The following AP1B1 variants were observed in gnomAD, a reference collection of about 807,000 sequenced individuals.
AP1B1 encodes the protein adaptor related protein complex 1 subunit beta 1, also known as AP-1 complex subunit beta-1.
AP1B1 carries 36 observed loss-of-function variants against 104.3 expected under a neutral mutation model. The observed-to-expected ratio is 0.35, with a 90% CI of 0.26 to 0.46. The LOEUF (loss-of-function observed/expected upper bound fraction) is 0.46. AP1B1 is among the 20% of genes least tolerant of loss of function. The pLI, the probability that AP1B1 is intolerant of heterozygous loss-of-function variation, is 1.00. For missense variants in AP1B1, 901 were observed against 1,247.9 expected (o/e 0.72, Z 4.19); for synonymous variants, 504 against 517.5 (o/e 0.97, Z 0.35).
At chr22:29,368,561 A>C (rs964748429) in intron 1 of AP1B1, among the ~76,000 whole-genome samples, 4 of 152,214 alleles carry the variant, frequency 2.6e-5, no homozygotes, top group Non-Finnish European at 5.9e-5. Flanking sequence ...AACTGCTTTG[A>C]ATCCCATTTT....
chr22:29,349,765 C>T (rs2061845435), intron 10 of AP1B1, among the ~76,000 whole-genome samples: 1 of 152,202 alleles, frequency 6.6e-6, no homozygotes, highest in South Asian at 2.1e-4. Flanking sequence ...ATCCACCCGC[C>T]TCGGCCTCCC....
intron 7 of AP1B1, among the ~76,000 whole-genome samples, chr22:29,352,971 A>G (rs1161516958): frequency 2.0e-5 from 3 of 152,114 alleles, no homozygotes; most frequent in East Asian, 1.9e-4. Flanking sequence ...GCCCTTTCAC[A>G]TGTGTCATTG....
intron 11 of AP1B1, among the ~76,000 whole-genome samples, chr22:29,347,442 T>C (rs2061810232): frequency 6.6e-6 from 1 of 152,040 alleles, no homozygotes; most frequent in African/African-American, 2.4e-5. Flanking sequence ...CTCAGAGAGT[T>C]AAAGGGATAA....
chr22:29,357,860 G>GT (rs1255902131), intron 5 of AP1B1, among the ~76,000 whole-genome samples: 1 of 151,122 alleles, frequency 6.6e-6, no homozygotes, highest in African/African-American at 2.4e-5. Flanking sequence ...GCTAATTTTT[G>GT]TATTTTGAGT....
At chr22:29,337,722 C>T (rs2061657957) in intron 16 of AP1B1, among the ~76,000 whole-genome samples, 1 of 152,176 alleles carries the variant, frequency 6.6e-6, no homozygotes, top group African/African-American at 2.4e-5. Context: ...CCTCACATCC[C>T]AAACTCAACT....
intron 1 of AP1B1, among the ~76,000 whole-genome samples, chr22:29,388,217 C>A (rs889055171): frequency 6.6e-6 from 1 of 152,106 alleles, no homozygotes; most frequent in Non-Finnish European, 1.5e-5. Flanking sequence ...GGGTATGGGG[C>A]GGCCGAGGAA....
intron 1 of AP1B1, among the ~76,000 whole-genome samples, chr22:29,386,267 C>A (rs2062520731): frequency 2.0e-5 from 3 of 152,190 alleles, no homozygotes; most frequent in Non-Finnish European, 4.4e-5. Flanking sequence ...GGTCACACTG[C>A]CAGGAAGCTG....
chr22:29,353,748 A>C lies in AP1B1; in HGVS notation c.938+902T>G, dbSNP rs549945141. 5.3e-5 allele frequency among the ~76,000 whole-genome samples: 8 copies of C among 152,314 alleles called. No homozygotes were observed. The East Asian group carries it at 1.5e-3, about 29-fold the overall frequency. ...CTAATGAGGCCCCAGTTCTCTGTGT[A>C]GCCCCACTCCCAGCCACAGGGCCTG... On this transcript the variant is annotated intron_variant, in intron 7 of 22. Transcript: ENST00000357586.
chr22:29,387,537 A>T (rs1343089543), intron 1 of AP1B1, among the ~76,000 whole-genome samples: 1 of 150,960 alleles, frequency 6.6e-6, no homozygotes, highest in African/African-American at 2.4e-5. Context: ...TGAACTCCTG[A>T]CCTCACGATC....
intron 7 of AP1B1, among the ~76,000 whole-genome samples, chr22:29,352,125 C>T (rs1569158047): frequency 6.6e-6 from 1 of 152,198 alleles, no homozygotes; most frequent in Non-Finnish European, 1.5e-5. Context: ...GGGAATCAGA[C>T]ATATCTCAGT....
At chr22:29,348,645 A>G (rs531655355) in intron 11 of AP1B1, among the ~76,000 whole-genome samples, 12 of 152,326 alleles carry the variant, frequency 7.9e-5, no homozygotes, top group Admixed American at 7.2e-4. Flanking sequence ...ACTAAACTCT[A>G]TATTTCTCCT....
chr22:29,371,498 G>A (rs2062237024), intron 1 of AP1B1, among the ~76,000 whole-genome samples: 1 of 152,178 alleles, frequency 6.6e-6, no homozygotes. Flanking sequence ...TTGGGAGGCT[G>A]AGGTGGGCAG....
chr22:29,353,422 T>C (rs1209117870), intron 7 of AP1B1, among the ~76,000 whole-genome samples: 1 of 152,126 alleles, frequency 6.6e-6, no homozygotes, highest in African/African-American at 2.4e-5. Context: ...CTCAGTGACG[T>C]GGACAAATTC....
At position 29,331,803 on chromosome 22, in the gene AP1B1, G is replaced by A. The variant is rs866036616; in HGVS notation, c.2423C>T (p.Pro808Leu). 6.2e-7 allele frequency: 1 copy of A among 1,614,224 alleles called. No individual in the cohort carries two copies. Among genetic ancestry groups the A allele is most frequent in the Non-Finnish European group, 8.5e-7 (1 of 1,180,036 alleles). The change falls in exon 18 of 23, where the codon CCT becomes CTT. Residue 808 changes from proline (P) to leucine (L), a missense_variant. Pro to Leu is a moderately conservative substitution (Grantham distance 98). Around this residue, in one of 3 missense-constraint regions of AP1B1, gnomAD observed 424 missense variants for 494.0 expected, o/e 0.86. Transcript: ENST00000357586. The part of the protein sequence containing the change: ...STVGSVMKME[P>L]LNNLQVAVKN... Reference sequence around the variant, plus strand: ...GGAACCCACCTGGAGGTTGTTCAGAGGCTCCATCTTCATGACCGAGCCCAC... The same window carrying A: ...GGAACCCACCTGGAGGTTGTTCAGAAGCTCCATCTTCATGACCGAGCCCAC...
chr22:29,356,794 C>T (rs1258799710), intron 5 of AP1B1, among the ~76,000 whole-genome samples, 178 bp from the exon 6 acceptor site: 1 of 152,228 alleles, frequency 6.6e-6, no homozygotes, highest in Non-Finnish European at 1.5e-5. Flanking sequence ...GACTCCTCTG[C>T]AAACTGGAAC....
intron 1 of AP1B1, among the ~76,000 whole-genome samples, chr22:29,376,327 G>T (rs2062340557): frequency 6.6e-6 from 1 of 152,138 alleles, no homozygotes. Flanking sequence ...GAAGTTGGTG[G>T]TGGCAGCACA....
At chr22:29,338,773 G>C (rs902474023) in intron 16 of AP1B1, among the ~76,000 whole-genome samples, 3 of 152,130 alleles carry the variant, frequency 2.0e-5, no homozygotes, top group African/African-American at 7.2e-5. Flanking sequence ...ATCCGCTTTT[G>C]TTCAGCTACT....
Position 29,330,536 on chromosome 22 carries a change from T to C in AP1B1, c.2612-4A>G. ...TGCAGCTTGCTGCTCGCAGCCTCTGTGGGGTCACATGGCCGTGAGAGGCCC... is the reference window on the plus strand; with the variant it reads ...TGCAGCTTGCTGCTCGCAGCCTCTGCGGGGTCACATGGCCGTGAGAGGCCC... On this transcript the variant is annotated splice_region_variant and splice_polypyrimidine_tract_variant and intron_variant, in intron 20 of 22. Coordinates refer to ENST00000357586, the MANE Select transcript of AP1B1 (RefSeq NM_001127.4). 1 of 1,610,148 alleles carries C rather than the reference T, an allele frequency of 6.2e-7. No homozygotes were observed. The highest frequency in any genetic ancestry group is 8.5e-7 in the Non-Finnish European group (1 of 1,176,854).
In AP1B1 at chr22:29,356,410, C is replaced by A; in HGVS notation, c.716+16G>T. On this transcript the variant is annotated intron_variant, in intron 6 of 22. Transcript: ENST00000357586. ...GTCCTCAAGCTGGGCTGGCAAGCAA[C>A]GGGCAGCCCGCTCACCTCTGGGCCT... 6.3e-7 allele frequency: 1 copy of A among 1,597,484 alleles called. No individual in the cohort carries two copies. Among genetic ancestry groups the A allele is most frequent in the Non-Finnish European group, 8.6e-7 (1 of 1,168,238 alleles).
Sources: gnomAD v4.1 joint callset for allele counts (sites outside exome capture counted in the v4.1 genomes callset) on GRCh38, gnomAD v4.1.1 for gene constraint, gnomAD v4.1.1 regional missense constraint, MANE v1.5 for transcripts, NCBI Gene and HGNC (gene_info 2026-07-23, HGNC 2026-07-21) for gene names.